Variants in INSIG2 observed in about 807,000 individuals in gnomAD.
INSIG2 encodes insulin-induced gene 2 protein.
INSIG2 carries 10 observed loss-of-function variants against 27.2 expected under a neutral mutation model. The ratio of observed to expected loss-of-function variants is 0.37; its 90% CI spans 0.23 to 0.62. INSIG2 has a LOEUF of 0.62. Among genes scored for constraint, INSIG2 ranks in the 20% least tolerant of loss-of-function variants. The pLI is 0.65. For synonymous variants in INSIG2, 97 were observed against 95.8 expected, an observed-to-expected ratio of 1.01 and a Z score of -0.07; for missense variants, 178 against 270.2, an observed-to-expected ratio of 0.66 and a Z score of 2.39.
In INSIG2 at chr2:118,100,175, A is replaced by C. The variant is rs551046011; in HGVS notation, c.245-3022A>C. ...TTAATGAGAGCACTATTTCTGCGCC[A>C]TTTACTGCTGAATGCTCCTGCCTCA... On this transcript the variant is annotated intron_variant, in intron 2 of 5. Transcript: ENST00000245787. Among the ~76,000 whole-genome samples, 1,031 of 151,756 alleles carry C rather than the reference A, an allele frequency of 6.8e-3. 11 individuals carry two copies. Among genetic ancestry groups the C allele is most frequent in the African/African-American group, 0.023 (966 of 41,350 alleles).
chr2:118,106,645 C>A, intron 3 of INSIG2, 92 bp from the exon 4 acceptor site: 1 of 983,564 alleles, frequency 1.0e-6, no homozygotes. Context: ...AATTAATTCC[C>A]TTCTCAACAG....
At chr2:118,090,016 T>G (rs139277852) in intron 1 of INSIG2, among the ~76,000 whole-genome samples, 10 of 152,332 alleles carry the variant, frequency 6.6e-5, no homozygotes, top group African/African-American at 2.2e-4. Context: ...CCTAGAAATT[T>G]TTAACGTCTC....
chr2:118,104,753 C>G (rs900144538), intron 3 of INSIG2, among the ~76,000 whole-genome samples: 2 of 152,164 alleles, frequency 1.3e-5, no homozygotes, highest in East Asian at 1.9e-4. Flanking sequence ...CCAGGAACCT[C>G]AAAACTGTGT....
chr2:118,093,326 A>AGGAG (rs1558832335), intron 1 of INSIG2, among the ~76,000 whole-genome samples: 1 of 37,584 alleles, frequency 2.7e-5, no homozygotes, highest in African/African-American at 1.1e-4. Flanking sequence ...GAGGAGGAGG[A>AGGAG]GAGTTCTGTA....
rs140576993 is a variant in INSIG2, at chr2:118,097,137, A to G, written c.244+337A>G. On this transcript the variant is annotated intron_variant, in intron 2 of 5. Transcript: ENST00000245787. ...TATCTCTGTTCTAGAATGCAATATA[A>G]ATGGGCTCATAACGTATGTACTCCC... Among the ~76,000 whole-genome samples the G allele has an allele frequency of 3.5e-3, 530 of 149,448 alleles. 4 individuals carry two copies. The highest frequency in any genetic ancestry group is 0.012 in the African/African-American group (476 of 40,398).
chr2:118,108,142 T>C (rs1678720363), intron 5 of INSIG2, 139 bp from the exon 6 acceptor site: 3 of 569,724 alleles, frequency 5.3e-6, no homozygotes, highest in Non-Finnish European at 9.4e-6. Context: ...ATAGTAATTA[T>C]GTAACTCTTG....
intron 3 of INSIG2, among the ~76,000 whole-genome samples, chr2:118,104,134 T>C (rs905069249): frequency 3.9e-5 from 6 of 152,164 alleles, no homozygotes; most frequent in African/African-American, 1.4e-4. Context: ...ACAATGAAGG[T>C]GGCAGGAGCC....
rs1558839163 is a variant in INSIG2 at position 118,109,828 on chromosome 2, C to T, written c.*1506C>T. 1.3e-5 allele frequency: 2 copies of T among 152,066 alleles called. No homozygotes were observed. The highest frequency in any genetic ancestry group is 2.4e-5 in the African/African-American group (1 of 41,236). 9.4% of individuals were successfully genotyped at this position (152,066 alleles called of 1,614,324 possible). On this transcript the variant is annotated 3_prime_UTR_variant, in exon 6 of 6. Transcript: ENST00000245787. The stretch of plus-strand genomic sequence containing the variant: ...AATATGTGTACACAATCTTAACTAT[C>T]GTGGTGGAAAACATACTACTATAAT...
chr2:118,097,540 A>AT (rs1377903181), intron 2 of INSIG2, among the ~76,000 whole-genome samples: 1 of 152,118 alleles, frequency 6.6e-6, no homozygotes, highest in East Asian at 1.9e-4. Context: ...TACTTTAGAT[A>AT]TTTTTTTGGT....
At chr2:118,105,391 TTAC>T (rs1424969041) in intron 3 of INSIG2, among the ~76,000 whole-genome samples, 12 of 152,220 alleles carry the variant, frequency 7.9e-5, no homozygotes. Context: ...GGAAGCCTCC[TTAC>T]TTCGCTGTGA....
In INSIG2 at chr2:118,110,806, T is replaced by A. The variant is rs1305448656; in HGVS notation, c.*2484T>A. The A allele has an allele frequency of 1.3e-5, 2 of 151,106 alleles. No homozygotes were observed. The allele number at this position is 151,106 out of a possible 1,614,324, so 9.4% of individuals were successfully genotyped here. On this transcript the variant is annotated 3_prime_UTR_variant, in exon 6 of 6. Transcript: ENST00000245787. Reference sequence around the variant, plus strand: ...AAACTGGGGATAAATTCTACAAAAGTGCAAGAAAACAATTCAAATTAGCCA... The same window carrying A: ...AAACTGGGGATAAATTCTACAAAAGAGCAAGAAAACAATTCAAATTAGCCA...
At chr2:118,093,005 A>G (rs1054257323) in intron 1 of INSIG2, among the ~76,000 whole-genome samples, 3 of 134,896 alleles carry the variant, frequency 2.2e-5, no homozygotes, top group Non-Finnish European at 4.8e-5. Context: ...AAGCAACCAG[A>G]TGATGATGAT....
chr2:118,109,491 A>G lies in INSIG2; in HGVS notation c.*1169A>G, dbSNP rs1253264878. 6.6e-6 allele frequency: 1 copy of G among 152,248 alleles called. No homozygotes were observed. Among genetic ancestry groups the G allele is most frequent in the Non-Finnish European group, 1.5e-5 (1 of 68,032 alleles). 9.4% of individuals were successfully genotyped at this position (152,248 alleles called of 1,614,324 possible). On this transcript the variant is annotated 3_prime_UTR_variant, in exon 6 of 6. Coordinates refer to ENST00000245787, the MANE Select transcript of INSIG2 (RefSeq NM_016133.4). ...ATCTTAATGGCAACCAGCACCTCTT[A>G]AGTATGGTTTAAACATATTCTTAGC...
intron 2 of INSIG2, among the ~76,000 whole-genome samples, chr2:118,099,944 G>A (rs1397928688): frequency 6.6e-6 from 1 of 152,088 alleles, no homozygotes; most frequent in African/African-American, 2.4e-5. Flanking sequence ...TAAGAAGATG[G>A]CCTCTCTCTG....
Position 118,108,475 on chromosome 2 carries a change from C to G in INSIG2, c.*153C>G, listed in dbSNP as rs955962829. On this transcript the variant is annotated 3_prime_UTR_variant, in exon 6 of 6. Transcript: ENST00000245787. Reference sequence around the variant, plus strand: ...ATATATGGATAAATATATATATACACACACACATATTACTGCAATCTGTGA... The same window carrying G: ...ATATATGGATAAATATATATATACAGACACACATATTACTGCAATCTGTGA... The G allele has an allele frequency of 1.9e-6, 1 of 526,936 alleles. No homozygotes were observed. The highest frequency in any genetic ancestry group is 2.0e-5 in the African/African-American group (1 of 49,728). 32.6% of individuals were successfully genotyped at this position (526,936 alleles called of 1,614,324 possible).
chr2:118,101,042 A>G (rs909597087), intron 2 of INSIG2, among the ~76,000 whole-genome samples: 2 of 152,196 alleles, frequency 1.3e-5, no homozygotes, highest in Non-Finnish European at 2.9e-5. Flanking sequence ...TTGTGTTTGC[A>G]TATGATTTTA....
At chr2:118,092,655 G>A (rs949805105) in intron 1 of INSIG2, among the ~76,000 whole-genome samples, 2 of 152,182 alleles carry the variant, frequency 1.3e-5, no homozygotes, top group African/African-American at 4.8e-5. Context: ...GTGACCATAA[G>A]CAAATTGCTG....
At chr2:118,091,164 CAAAGT>C (rs1678216150) in intron 1 of INSIG2, among the ~76,000 whole-genome samples, 1 of 152,144 alleles carries the variant, frequency 6.6e-6, no homozygotes, top group African/African-American at 2.4e-5. Context: ...AAACAAACTT[CAAAGT>C]AAACTAAGGG....
intron 1 of INSIG2, among the ~76,000 whole-genome samples, chr2:118,092,032 G>C (rs1488187153): frequency 6.6e-6 from 1 of 152,088 alleles, no homozygotes; most frequent in East Asian, 1.9e-4. Context: ...GACAAATGCT[G>C]GTCAGTGTGA....
Sources: allele counts gnomAD v4.1 joint callset (sites outside exome capture counted in the v4.1 genomes callset), GRCh38; gene constraint gnomAD v4.1.1; transcripts MANE v1.5; gene names NCBI Gene and HGNC (gene_info 2026-07-23, HGNC 2026-07-21).